Variants in SLC38A12 observed in about 807,000 individuals in gnomAD.
SLC38A12 encodes solute carrier family 38 member 12.
At chr17:74,784,957 C>CT in the SLC38A12 span, among the ~76,000 whole-genome samples, 25 of 100,866 alleles carry the variant, frequency 2.5e-4, no homozygotes, top group African/African-American at 4.4e-4. Context: ...TATGCCTCAA[C>CT]TTTTTTTTTA....
At chr17:74,804,910 G>T in the SLC38A12 span, among the ~76,000 whole-genome samples, 6 of 152,212 alleles carry the variant, frequency 3.9e-5, no homozygotes, top group African/African-American at 1.4e-4. Flanking sequence ...CTTCCCAGCT[G>T]GTCCCTTTCC....
chr17:74,836,101 A>G, the SLC38A12 span: 6 of 1,612,184 alleles, frequency 3.7e-6, no homozygotes, highest in South Asian at 3.3e-5. This position sits in a 1 kb window ranked among gnomAD's most constrained non-coding sequence, Gnocchi z 4.2. Context: ...TCCAAGCGCC[A>G]CCTCACAAGG....
chr17:74,783,962 C>T, the SLC38A12 span, among the ~76,000 whole-genome samples: 6 of 151,496 alleles, frequency 4.0e-5, no homozygotes, highest in African/African-American at 1.5e-4. Flanking sequence ...CTCCTGACCT[C>T]GTGTTCCACC....
chr17:74,830,079 G>A, the SLC38A12 span, among the ~76,000 whole-genome samples: 4 of 152,072 alleles, frequency 2.6e-5, 1 homozygote, highest in African/African-American at 9.6e-5. Context: ...AGAGAGGTGA[G>A]CTGGGGGTGC....
chr17:74,786,346 G>C, the SLC38A12 span, among the ~76,000 whole-genome samples: 1 of 65,866 alleles, frequency 1.5e-5, no homozygotes, highest in Non-Finnish European at 5.4e-5. Flanking sequence ...ATGGGAAGGA[G>C]CACCTGGAAA....
At chr17:74,789,045 A>G in the SLC38A12 span, among the ~76,000 whole-genome samples, 1 of 152,246 alleles carries the variant, frequency 6.6e-6, no homozygotes, top group Admixed American at 6.5e-5. Context: ...TTAAAGCACA[A>G]ATGGAGCCTC....
chr17:74,820,625 TTGC>T, the SLC38A12 span, among the ~76,000 whole-genome samples: 24 of 152,278 alleles, frequency 1.6e-4, no homozygotes, highest in South Asian at 3.5e-3. Flanking sequence ...AAGAAGGCTG[TTGC>T]TGTTCTGAGA....
the SLC38A12 span, among the ~76,000 whole-genome samples, chr17:74,834,372 C>T: frequency 6.6e-6 from 1 of 152,008 alleles, no homozygotes; most frequent in African/African-American, 2.4e-5. Context: ...CGGTGAGAGG[C>T]AGAAACAAAT....
At chr17:74,777,558 A>G in the SLC38A12 span, 22 of 1,532,688 alleles carry the variant, frequency 1.4e-5, no homozygotes, top group Non-Finnish European at 1.9e-5. Flanking sequence ...AATGTAAGTC[A>G]GATTTATTCT....
At chr17:74,777,746 C>T in the SLC38A12 span, 1 of 548,800 alleles carries the variant, frequency 1.8e-6, no homozygotes, top group Non-Finnish European at 3.1e-6. Flanking sequence ...ATGGTAAAAC[C>T]CTGTCTCTAC....
chr17:74,828,311 C>T, the SLC38A12 span, among the ~76,000 whole-genome samples: 2 of 152,310 alleles, frequency 1.3e-5, no homozygotes, highest in South Asian at 4.1e-4. Flanking sequence ...TCAGCACTGG[C>T]GTGTGGAAAA....
chr17:74,830,136 C>G, the SLC38A12 span, among the ~76,000 whole-genome samples: 12 of 152,166 alleles, frequency 7.9e-5, no homozygotes, highest in Admixed American at 6.5e-4. Flanking sequence ...GGCCCCAACT[C>G]CAGACACCTA....
At chr17:74,822,750 A>C in the SLC38A12 span, among the ~76,000 whole-genome samples, 1 of 152,222 alleles carries the variant, frequency 6.6e-6, no homozygotes, top group Admixed American at 6.5e-5. Flanking sequence ...AGCTGGGTCT[A>C]GGGTTCCATT....
the SLC38A12 span, among the ~76,000 whole-genome samples, chr17:74,808,312 C>T: frequency 6.6e-6 from 1 of 152,258 alleles, no homozygotes; most frequent in African/African-American, 2.4e-5. Flanking sequence ...GAACTGGGTG[C>T]TCTAAAGAGG....
the SLC38A12 span, among the ~76,000 whole-genome samples, chr17:74,829,392 C>T: frequency 1.3e-5 from 2 of 152,206 alleles, no homozygotes; most frequent in Non-Finnish European, 2.9e-5. The surrounding 1 kb of genome is among the most constrained non-coding windows in gnomAD (Gnocchi z 4.1). Context: ...GGGCCACACA[C>T]CAAGTCTTTG....
the SLC38A12 span, among the ~76,000 whole-genome samples, chr17:74,816,501 G>A: frequency 6.6e-6 from 1 of 152,172 alleles, no homozygotes; most frequent in Non-Finnish European, 1.5e-5. Flanking sequence ...TAGCCTCCTT[G>A]TCTCCATCAA....
chr17:74,810,925 G>A, the SLC38A12 span, among the ~76,000 whole-genome samples: 2 of 152,096 alleles, frequency 1.3e-5, no homozygotes, highest in Admixed American at 1.3e-4. Flanking sequence ...TCTGGCAGAC[G>A]TCTTCCGCAT....
At chr17:74,790,986 T>C in the SLC38A12 span, 1 of 1,613,928 alleles carries the variant, frequency 6.2e-7, no homozygotes, top group African/African-American at 1.3e-5. Context: ...CCGTTTGAAA[T>C]CACAGACCGG....
chr17:74,800,406 AGTG>A, the SLC38A12 span, among the ~76,000 whole-genome samples: 1 of 152,318 alleles, frequency 6.6e-6, no homozygotes, highest in East Asian at 1.9e-4. Flanking sequence ...GCACTCAAGT[AGTG>A]TTAGAATTAA....
Sources: allele counts gnomAD v4.1 joint callset (sites outside exome capture counted in the v4.1 genomes callset), GRCh38; gene constraint gnomAD v4.1.1; non-coding constraint Gnocchi (gnomAD v3.1); transcripts MANE v1.5; gene names NCBI Gene and HGNC (gene_info 2026-07-23, HGNC 2026-07-21).